Variants in DNAL4 observed in about 807,000 individuals in gnomAD.
DNAL4 encodes dynein light chain, outer arm 4.
A neutral mutation model predicts 12.6 loss-of-function variants in DNAL4; 10 were observed. The ratio of observed to expected loss-of-function variants is 0.79; its 90% CI spans 0.49 to 1.34. The LOEUF (loss-of-function observed/expected upper bound fraction) is 1.34, where lower values mean the gene tolerates loss of function less well. Ranked by LOEUF, DNAL4 falls within the 40% of genes most tolerant of loss-of-function variation. DNAL4 has a pLI of 0.00. For missense variants in DNAL4, 128 were observed against 138.1 expected (o/e 0.93, Z 0.37); for synonymous variants, 46 against 53.1 (o/e 0.87, Z 0.58).
At position 38,779,261 on chromosome 22, in the gene DNAL4, C is replaced by G. The variant is rs899497766; in HGVS notation, c.*188G>C. The G allele has an allele frequency of 8.1e-6, 6 of 744,422 alleles. No individual in the cohort carries two copies. The highest frequency in any genetic ancestry group is 6.1e-5 in the Admixed American group (2 of 33,040). 46.1% of individuals were successfully genotyped at this position (744,422 alleles called of 1,614,324 possible). On this transcript the variant is annotated 3_prime_UTR_variant, in exon 4 of 4. Transcript: ENST00000216068. This position sits in a 1 kb window ranked among gnomAD's most constrained non-coding sequence, Gnocchi z 4.3. ...CCACACCCTGAGACTCCGAGGGAGA[C>G]GGTTGAGAGCCTGGGGATGGAGATG...
chr22:38,791,616 T>C, intron 1 of DNAL4, among the ~76,000 whole-genome samples: 1 of 152,068 alleles, frequency 6.6e-6, no homozygotes, highest in Middle Eastern at 3.2e-3. Context: ...GGTCTCAAAC[T>C]CCTGACCTCA....
intron 1 of DNAL4, among the ~76,000 whole-genome samples, chr22:38,791,724 TCTGTTGCCC>T: frequency 7.0e-6 from 1 of 142,978 alleles, no homozygotes; most frequent in Non-Finnish European, 1.5e-5. Context: ...GGAGTCTCAC[TCTGTTGCCC>T]AGGCTGGAGT....
chr22:38,784,943 C>T (rs556099510), intron 1 of DNAL4, among the ~76,000 whole-genome samples: 9 of 151,852 alleles, frequency 5.9e-5, no homozygotes, highest in African/African-American at 1.9e-4. Context: ...ATTTGGTCGG[C>T]TCCCTCGCAT....
At chr22:38,787,417 T>C (rs994631791) in intron 1 of DNAL4, among the ~76,000 whole-genome samples, 2 of 152,012 alleles carry the variant, frequency 1.3e-5, no homozygotes, top group Admixed American at 1.3e-4. Flanking sequence ...AATTTTTGTA[T>C]TTTTAGTAGA....
Position 38,780,939 on chromosome 22 carries a change from G to A in DNAL4, c.140C>T (p.Ser47Phe), listed in dbSNP as rs1486346508. 2 of 1,614,224 alleles carry A rather than the reference G, an allele frequency of 1.2e-6. No homozygotes were observed. The highest frequency in any genetic ancestry group is 3.3e-5 in the Admixed American group (2 of 60,026). ...TGCTGGCAATACCTCGTTGTTGTTG[G>A]AGAATTTCTCACAGGCTGTGACACA... The part of the protein sequence containing the change: ...ELCVTACEKF[S>F]NNNESAAKMI... The change falls in exon 3 of 4, where the codon TCC (serine) becomes TTC (phenylalanine). Residue 47 changes from serine to phenylalanine, a missense_variant. Transcript: ENST00000216068.
chr22:38,793,656 G>C (rs529306762), intron 1 of DNAL4, among the ~76,000 whole-genome samples: 3 of 152,278 alleles, frequency 2.0e-5, no homozygotes, highest in Non-Finnish European at 4.4e-5. Context: ...GAAATGACCA[G>C]CCCAGAATCC....
chr22:38,780,914 T>C lies in DNAL4; in HGVS notation c.153+12A>G. On this transcript the variant is annotated intron_variant, in intron 3 of 3. Coordinates refer to ENST00000216068, the MANE Select transcript of DNAL4 (RefSeq NM_005740.3). ...CAAAAGCACGAGGGGCCGCCTGCAC[T>C]GCTGGCAATACCTCGTTGTTGTTGG... The C allele has an allele frequency of 6.2e-7, 1 of 1,614,210 alleles. No individual in the cohort carries two copies. The highest frequency in any genetic ancestry group is 8.5e-7 in the Non-Finnish European group (1 of 1,180,002).
At chr22:38,789,321 G>A (rs973925278) in intron 1 of DNAL4, among the ~76,000 whole-genome samples, 1 of 151,932 alleles carries the variant, frequency 6.6e-6, no homozygotes. Flanking sequence ...GCTGGAGTGC[G>A]GTGGCATGAT....
chr22:38,784,526 CTT>C (rs2093039274), intron 1 of DNAL4, among the ~76,000 whole-genome samples: 1 of 45,030 alleles, frequency 2.2e-5, no homozygotes. Flanking sequence ...TTTTTTTTTT[CTT>C]GAGACGGAGT....
chr22:38,785,391 A>C (rs1308008156), intron 1 of DNAL4: 2 of 152,196 alleles, frequency 1.3e-5, no homozygotes, highest in East Asian at 3.8e-4. Context: ...TCTTCCACTG[A>C]GATGTTTCCA....
chr22:38,786,501 G>A (rs2093042442), intron 1 of DNAL4, among the ~76,000 whole-genome samples: 1 of 152,248 alleles, frequency 6.6e-6, no homozygotes, highest in African/African-American at 2.4e-5. Context: ...AGAGATTGCG[G>A]TGAGCCAAGA....
chr22:38,785,726 A>G (rs1486462717), intron 1 of DNAL4: 7 of 152,292 alleles, frequency 4.6e-5, no homozygotes, highest in African/African-American at 1.7e-4. Context: ...CTTTCTTTGC[A>G]GCCGTCAGCA....
chr22:38,792,756 G>A (rs1302832542), intron 1 of DNAL4, among the ~76,000 whole-genome samples: 1 of 152,154 alleles, frequency 6.6e-6, no homozygotes, highest in East Asian at 1.9e-4. Flanking sequence ...CATCTCCTAT[G>A]ATAACAAAGC....
intron 1 of DNAL4, among the ~76,000 whole-genome samples, chr22:38,791,253 C>A (rs1034585921): frequency 6.6e-6 from 1 of 151,922 alleles, no homozygotes; most frequent in South Asian, 2.1e-4. Flanking sequence ...ATGAATGAAG[C>A]GTACAGGACA....
rs1445207559 is a variant in DNAL4 at position 38,779,062 on chromosome 22, C to T, written c.*387G>A. The stretch of plus-strand genomic sequence containing the variant: ...AATGACAAGGACGGCCGACACTTCC[C>T]GGCAGTACTGGGGATGGCAGGGCAG... On this transcript the variant is annotated 3_prime_UTR_variant, in exon 4 of 4. Transcript: ENST00000216068. The surrounding 1 kb of genome is among the most constrained non-coding windows in gnomAD (Gnocchi z 4.3). 5 of 170,136 alleles carry T rather than the reference C, an allele frequency of 2.9e-5. No individual in the cohort carries two copies. Among genetic ancestry groups the T allele is most frequent in the Non-Finnish European group, 6.2e-5 (5 of 80,344 alleles). The allele number at this position is 170,136 out of a possible 1,614,324, so 10.5% of individuals were successfully genotyped here. A position where few individuals can be genotyped will look rare whatever the true frequency, so the allele number is the denominator to read the frequency against.
intron 2 of DNAL4, among the ~76,000 whole-genome samples, chr22:38,781,490 A>C (rs1187131372): frequency 6.8e-6 from 1 of 146,068 alleles, no homozygotes. Flanking sequence ...ATCTCCAGCG[A>C]CTCCATCTCT....
chr22:38,786,211 G>A (rs1324178935), intron 1 of DNAL4, among the ~76,000 whole-genome samples: 1 of 152,246 alleles, frequency 6.6e-6, no homozygotes, highest in Admixed American at 6.5e-5. Flanking sequence ...AGAAGCATGT[G>A]CCTGAACTCT....
chr22:38,785,489 C>G (rs981231521), intron 1 of DNAL4: 1 of 152,260 alleles, frequency 6.6e-6, no homozygotes, highest in African/African-American at 2.4e-5. Flanking sequence ...ATGCCACCCT[C>G]CAGGAGGTCA....
intron 1 of DNAL4, among the ~76,000 whole-genome samples, chr22:38,789,529 GCCT>G (rs1175981184): frequency 1.2e-4 from 18 of 152,174 alleles, no homozygotes; most frequent in Admixed American, 5.9e-4. Context: ...GCCCACCTCA[GCCT>G]CCCAAAGTGC....
Sources: gnomAD v4.1 joint callset for allele counts (sites outside exome capture counted in the v4.1 genomes callset) on GRCh38, gnomAD v4.1.1 for gene constraint, Gnocchi (gnomAD v3.1) non-coding constraint, MANE v1.5 for transcripts, NCBI Gene and HGNC (gene_info 2026-07-23, HGNC 2026-07-21) for gene names.